KIAA1217: variants seen among roughly 807,000 people sequenced by gnomAD.
KIAA1217 encodes KIAA1217.
Under a neutral mutation model 163.9 loss-of-function variants are expected in KIAA1217, and 88 were observed. The ratio of observed to expected loss-of-function variants is 0.54; its 90% CI spans 0.45 to 0.64. The LOEUF (loss-of-function observed/expected upper bound fraction) is 0.64. Ranked by LOEUF, KIAA1217 falls within the 30% of genes least tolerant of loss-of-function variation. The pLI is 0.00. For synonymous variants in KIAA1217, 903 were observed against 923.1 expected (o/e 0.98, Z 0.39); for missense variants, 2,372 against 2,475.0 (o/e 0.96, Z 0.88).
chr10:24,489,292 A>G lies in KIAA1217; in HGVS notation c.1680-5208A>G, dbSNP rs567883231. On this transcript the variant is annotated intron_variant, in intron 6 of 20. Coordinates refer to ENST00000376454, the MANE Select transcript of KIAA1217 (RefSeq NM_019590.5). ...AGTCACTGGCTAAAAATCATCCCCT[A>G]ACTGGTTAGGAAGGTTAATGCTTCA... Among the ~76,000 whole-genome samples the G allele has an allele frequency of 8.3e-4, 126 of 152,084 alleles. 1 individual carries two copies. The highest frequency in any genetic ancestry group is 2.8e-3 in the African/African-American group (118 of 41,490).
intron 1 of KIAA1217, among the ~76,000 whole-genome samples, chr10:23,841,464 C>T (rs539615842): frequency 6.6e-6 from 1 of 152,024 alleles, no homozygotes; most frequent in Non-Finnish European, 1.5e-5. Flanking sequence ...TGTAAAGCAC[C>T]CAAAAGACAT....
chr10:23,932,466 A>T (rs989526959), intron 1 of KIAA1217, among the ~76,000 whole-genome samples: 7 of 152,264 alleles, frequency 4.6e-5, no homozygotes, highest in African/African-American at 1.7e-4. Context: ...CACTGTTAAA[A>T]GCCACTTGAG....
At chr10:23,974,892 C>CCA (rs1554833576) in intron 1 of KIAA1217, among the ~76,000 whole-genome samples, 1 of 151,408 alleles carries the variant, frequency 6.6e-6, no homozygotes, top group African/African-American at 2.4e-5. Flanking sequence ...TTCCCCCCCC[C>CCA]ATAGATAGGC....
At chr10:24,183,472 C>A (rs2131956833) in intron 2 of KIAA1217, among the ~76,000 whole-genome samples, 2 of 152,270 alleles carry the variant, frequency 1.3e-5, no homozygotes, top group Middle Eastern at 6.8e-3. Context: ...GAAAAAAAGA[C>A]AGTGGGGCTA....
intron 1 of KIAA1217, among the ~76,000 whole-genome samples, chr10:23,988,285 C>T (rs1846070076): frequency 6.6e-6 from 1 of 152,174 alleles, no homozygotes; most frequent in African/African-American, 2.4e-5. Context: ...TGGGCTTTAG[C>T]AGATGTGGAA....
At chr10:24,265,131 T>C (rs1292200852) in intron 2 of KIAA1217, among the ~76,000 whole-genome samples, 1 of 152,220 alleles carries the variant, frequency 6.6e-6, no homozygotes, top group Admixed American at 6.5e-5. Flanking sequence ...CCCAAAGTGA[T>C]GAGTGCTAAG....
At chr10:24,280,809 C>CA (rs71281596) in intron 2 of KIAA1217, among the ~76,000 whole-genome samples, 53,597 of 105,846 alleles carry the variant, frequency 0.51, 11,224 homozygotes, top group Non-Finnish European at 0.54. Flanking sequence ...GACTCCGTCT[C>CA]AAAAAAAAAA....
At chr10:24,094,674 G>A (rs1209906920) in intron 2 of KIAA1217, among the ~76,000 whole-genome samples, 3 of 152,340 alleles carry the variant, frequency 2.0e-5, no homozygotes, top group Non-Finnish European at 2.9e-5. Flanking sequence ...GCTGCTCGGG[G>A]GTCAGGGGTC....
intron 1 of KIAA1217, among the ~76,000 whole-genome samples, chr10:23,918,064 G>A (rs1359731957): frequency 2.0e-5 from 3 of 151,622 alleles, no homozygotes; most frequent in African/African-American, 4.9e-5. Context: ...TCAGGGTGAA[G>A]TGCAGTGGTG....
intron 2 of KIAA1217, among the ~76,000 whole-genome samples, chr10:24,183,200 C>T (rs2066262221): frequency 6.6e-6 from 1 of 152,212 alleles, no homozygotes; most frequent in Non-Finnish European, 1.5e-5. Context: ...CAAGGTGATA[C>T]CCTTGAACTT....
intron 2 of KIAA1217, among the ~76,000 whole-genome samples, chr10:24,036,647 A>C (rs1197152130): frequency 6.6e-6 from 1 of 152,162 alleles, no homozygotes; most frequent in Admixed American, 6.5e-5. Context: ...GGGAGCCAGC[A>C]AGTGACAGGG....
intron 1 of KIAA1217, among the ~76,000 whole-genome samples, chr10:23,736,299 A>G (rs75006228): frequency 0.054 from 8,147 of 152,242 alleles, 727 homozygotes; most frequent in African/African-American, 0.18. Context: ...GTGTGGTATG[A>G]CACACAGATT....
At chr10:23,699,929 T>G (rs1443620222) in intron 1 of KIAA1217, among the ~76,000 whole-genome samples, 1 of 152,216 alleles carries the variant, frequency 6.6e-6, no homozygotes, top group Admixed American at 6.5e-5. Flanking sequence ...TAGCATACTG[T>G]TTGGCACACA....
intron 2 of KIAA1217, among the ~76,000 whole-genome samples, chr10:24,360,778 A>G (rs2049873003): frequency 6.6e-6 from 1 of 152,218 alleles, no homozygotes; most frequent in Admixed American, 6.5e-5. Context: ...ACGAGGAATG[A>G]AGAGGCCACG....
At chr10:24,376,543 G>A (rs777939551) in intron 2 of KIAA1217, among the ~76,000 whole-genome samples, 51 of 152,098 alleles carry the variant, frequency 3.4e-4, no homozygotes, top group African/African-American at 6.8e-4. Flanking sequence ...TGAAAGGATC[G>A]CTTAAGCTTA....
chr10:24,431,156 A>G (rs999181915), intron 3 of KIAA1217, among the ~76,000 whole-genome samples: 1 of 151,912 alleles, frequency 6.6e-6, no homozygotes, highest in East Asian at 1.9e-4. Context: ...CCTTATTGTC[A>G]CTTTAATGGA....
chr10:24,511,414 G>A (rs1455959616), intron 9 of KIAA1217, among the ~76,000 whole-genome samples: 3 of 152,032 alleles, frequency 2.0e-5, no homozygotes, highest in Admixed American at 6.6e-5. Context: ...AGGCTGCGGC[G>A]GGCAGATCAC....
chr10:23,814,042 G>T (rs184224031), intron 1 of KIAA1217, among the ~76,000 whole-genome samples: 2 of 152,212 alleles, frequency 1.3e-5, no homozygotes, highest in East Asian at 3.9e-4. Flanking sequence ...ACTTTTTGGT[G>T]ACTTCAAAAT....
At chr10:23,949,075 T>C (rs1452846062) in intron 1 of KIAA1217, among the ~76,000 whole-genome samples, 1 of 152,186 alleles carries the variant, frequency 6.6e-6, no homozygotes, top group Non-Finnish European at 1.5e-5. Context: ...GAGAGAGAAC[T>C]GGCGGAATCA....
Sources: allele counts gnomAD v4.1 joint callset (sites outside exome capture counted in the v4.1 genomes callset), GRCh38; gene constraint gnomAD v4.1.1; transcripts MANE v1.5; gene names NCBI Gene and HGNC (gene_info 2026-07-23, HGNC 2026-07-21).